Variants in ULK4 observed in about 807,000 individuals in gnomAD.
ULK4 encodes unc-51 like kinase 4.
ULK4 carries 133 observed loss-of-function variants against 160.6 expected under a neutral mutation model. That is an observed-to-expected ratio of 0.83 (90% CI 0.72 to 0.96). The LOEUF is 0.96. Ranked by LOEUF, ULK4 falls within the 40% of genes least tolerant of loss-of-function variation. The pLI, the probability that ULK4 is intolerant of heterozygous loss-of-function variation, is 0.00. For synonymous variants in ULK4, 534 were observed against 539.8 expected (o/e 0.99, Z 0.15); for missense variants, 1,580 against 1,499.5 (o/e 1.05, Z -0.89).
At chr3:41,357,933 A>C (rs1011486503) in intron 35 of ULK4, among the ~76,000 whole-genome samples, 2 of 152,234 alleles carry the variant, frequency 1.3e-5, no homozygotes, top group Non-Finnish European at 2.9e-5. Flanking sequence ...TCCTCACAAT[A>C]GCCTCATGTA....
Position 41,895,570 on chromosome 3 carries a change from A to G in ULK4, c.1531-6T>C, listed in dbSNP as rs757297070. The G allele has an allele frequency of 2.7e-5, 41 of 1,498,244 alleles. No homozygotes were observed. Among genetic ancestry groups the G allele is most frequent in the Middle Eastern group, 1.7e-4 (1 of 5,744 alleles). The allele number at this position is 1,498,244 out of a possible 1,614,324, so 92.8% of individuals were successfully genotyped here. On this transcript the variant is annotated splice_polypyrimidine_tract_variant and splice_region_variant and intron_variant, in intron 15 of 36. Transcript: ENST00000301831. ...TGCTGGATTAGCAATTGGAACTAGA[A>G]TAAGAAATTTAAGTGTAAAGAAAAG...
At chr3:41,392,051 A>G (rs1477545959) in intron 35 of ULK4, among the ~76,000 whole-genome samples, 1 of 152,072 alleles carries the variant, frequency 6.6e-6, no homozygotes, top group Non-Finnish European at 1.5e-5. Flanking sequence ...TGTAGTCAAT[A>G]TTTTGAGTGT....
chr3:41,932,083 A>G, intron 4 of ULK4, 77 bp from the exon 5 acceptor site: 1 of 1,292,234 alleles, frequency 7.7e-7, no homozygotes, highest in Non-Finnish European at 1.0e-6. Context: ...TTATAATTGT[A>G]CTAAAGAACT....
At chr3:41,900,474 G>A (rs1489781199) in intron 13 of ULK4, among the ~76,000 whole-genome samples, 1 of 152,222 alleles carries the variant, frequency 6.6e-6, no homozygotes, top group Non-Finnish European at 1.5e-5. Context: ...AGTAGTGAGA[G>A]GCAGCAGAGC....
At chr3:41,946,718 T>G (rs534011534) in intron 2 of ULK4, among the ~76,000 whole-genome samples, 1 of 152,324 alleles carries the variant, frequency 6.6e-6, no homozygotes, top group Admixed American at 6.5e-5. Context: ...TGTATTCTCA[T>G]GGTGAGATAG....
intron 32 of ULK4, among the ~76,000 whole-genome samples, chr3:41,506,779 T>TATAA (rs2085403307): frequency 5.5e-5 from 1 of 18,282 alleles, no homozygotes; most frequent in Non-Finnish European, 1.6e-4. Flanking sequence ...TATATATATA[T>TATAA]ATATATATAT....
chr3:41,379,266 T>C (rs554587773), intron 35 of ULK4, among the ~76,000 whole-genome samples: 23 of 152,108 alleles, frequency 1.5e-4, no homozygotes, highest in African/African-American at 5.5e-4. Flanking sequence ...ACATGTACTG[T>C]ATGGAACTCT....
rs1700547878 is a variant in ULK4, at chr3:41,958,195, A to T, written c.-48-3388T>A. 3.9e-5 allele frequency among the ~76,000 whole-genome samples: 6 copies of T among 152,164 alleles called. No individual in the cohort carries two copies. In the South Asian group the frequency reaches 1.2e-3, roughly 31 times the overall value. ...AGCAGCATTATTCACAATAGTTAAA[A>T]CATGGAAGCAACTTGTGTCCGCTGA... On this transcript the variant is annotated intron_variant, in intron 1 of 36. Transcript: ENST00000301831.
intron 18 of ULK4, among the ~76,000 whole-genome samples, chr3:41,822,912 C>A (rs2041196134): frequency 6.6e-6 from 1 of 151,264 alleles, no homozygotes; most frequent in South Asian, 2.1e-4. Context: ...TTAGAAGAGA[C>A]CGGTTTTCAC....
chr3:41,431,376 T>TAATAAC (rs2082903285), intron 34 of ULK4, among the ~76,000 whole-genome samples: 2 of 147,708 alleles, frequency 1.4e-5, no homozygotes, highest in South Asian at 4.3e-4. Flanking sequence ...ATAATAATAA[T>TAATAAC]AATAATAATA....
intron 29 of ULK4, among the ~76,000 whole-genome samples, chr3:41,679,545 TGTG>T (rs1296014415): frequency 6.6e-6 from 1 of 152,240 alleles, no homozygotes; most frequent in Non-Finnish European, 1.5e-5. Flanking sequence ...TGAACTGCCA[TGTG>T]GTTTACATTT....
rs1327078411 is a variant in ULK4, at chr3:41,896,933, G to A, written c.1419C>T (p.Asp473=). 3 of 1,613,532 alleles carry A rather than the reference G, an allele frequency of 1.9e-6. No homozygotes were observed. The highest frequency in any genetic ancestry group is 2.7e-5 in the African/African-American group (2 of 75,054). Residue 473 remains aspartate (D), a synonymous_variant, in exon 15 of 37, where the codon GAC becomes GAT. Coordinates refer to ENST00000301831, the MANE Select transcript of ULK4 (RefSeq NM_017886.4). ...DFLQQVCSQI[D]STEKSMGASR... ...AGGCCCCCATGCTCTTCTCAGTGGA[G>A]TCGATCTGCGAGCACACTTGTTGCA...
chr3:41,819,138 G>A (rs2041060316), intron 19 of ULK4, among the ~76,000 whole-genome samples: 1 of 152,198 alleles, frequency 6.6e-6, no homozygotes, highest in African/African-American at 2.4e-5. Flanking sequence ...GGGGAGTGCG[G>A]AGGGTAATTA....
At chr3:41,421,942 G>C (rs149735228) in intron 34 of ULK4, among the ~76,000 whole-genome samples, 2 of 151,786 alleles carry the variant, frequency 1.3e-5, no homozygotes, top group African/African-American at 2.4e-5. Context: ...TGATCCACTT[G>C]TTTGTTGTTT....
At chr3:41,598,060 T>C (rs768765629) in intron 31 of ULK4, among the ~76,000 whole-genome samples, 1 of 152,076 alleles carries the variant, frequency 6.6e-6, no homozygotes, top group Non-Finnish European at 1.5e-5. Context: ...GCCTCAAGAG[T>C]TCTAAGGCCC....
At chr3:41,321,012 T>C (rs1287895745) in intron 35 of ULK4, among the ~76,000 whole-genome samples, 1 of 151,030 alleles carries the variant, frequency 6.6e-6, no homozygotes, top group African/African-American at 2.4e-5. Context: ...CTCACTGCCT[T>C]TTTTTTTTGT....
chr3:41,520,065 TA>T lies in ULK4; in HGVS notation c.3226+45959del, dbSNP rs1362167086. ...TAACTGCGGTAAAATACACATACCA[TA>T]AAAATGTACCATTTTAACTATTTTT... On this transcript the variant is annotated intron_variant, in intron 32 of 36. Transcript: ENST00000301831. 2.6e-5 allele frequency among the ~76,000 whole-genome samples: 4 copies of T among 152,310 alleles called. No individual in the cohort carries two copies. In the East Asian group the frequency reaches 7.7e-4, roughly 29 times the overall value.
chr3:41,916,425 G>C (rs1698966737), intron 7 of ULK4, among the ~76,000 whole-genome samples: 1 of 152,082 alleles, frequency 6.6e-6, no homozygotes. Flanking sequence ...GTCTTGCTCT[G>C]TCACCCAGGG....
chr3:41,532,639 G>A (rs2700435), intron 32 of ULK4, among the ~76,000 whole-genome samples: 72,121 of 151,896 alleles, frequency 0.47, 17,325 homozygotes, highest in Admixed American at 0.53. Flanking sequence ...CTGGGATAAA[G>A]TTTTACTGGA....
Sources: allele counts gnomAD v4.1 joint callset (sites outside exome capture counted in the v4.1 genomes callset), GRCh38; gene constraint gnomAD v4.1.1; transcripts MANE v1.5; gene names NCBI Gene and HGNC (gene_info 2026-07-23, HGNC 2026-07-21).